The following ANKEF1 variants were observed in gnomAD, a reference collection of about 807,000 sequenced individuals.
The protein encoded by ANKEF1 is ankyrin repeat and EF-hand domain-containing protein 1.
ANKEF1 carries 43 observed loss-of-function variants against 65.1 expected under a neutral mutation model. The observed-to-expected ratio is 0.66, with a 90% CI of 0.52 to 0.85. ANKEF1 has a LOEUF of 0.85. Among genes scored for constraint, ANKEF1 ranks in the 40% least tolerant of loss-of-function variants. The pLI, the probability that ANKEF1 is intolerant of heterozygous loss-of-function variation, is 0.00. For missense variants in ANKEF1, 934 were observed against 952.9 expected, an observed-to-expected ratio of 0.98 and a Z score of 0.26; for synonymous variants, 316 against 341.5, an observed-to-expected ratio of 0.93 and a Z score of 0.82.
chr20:10,049,339 C>T lies in ANKEF1; in HGVS notation c.821-51C>T, dbSNP rs1984695029. On this transcript the variant is annotated intron_variant, in intron 6 of 10. Coordinates refer to ENST00000378392, the MANE Select transcript of ANKEF1 (RefSeq NM_022096.6). ...ACAGTTGGATGAGTGTCACTTATAG[C>T]CATGCAAATGCCTTGGCACCATTCA... 9 of 1,494,854 alleles carry T rather than the reference C, an allele frequency of 6.0e-6. No individual in the cohort carries two copies. In the Middle Eastern group the frequency reaches 8.9e-4, roughly 149 times the overall value. The allele number at this position is 1,494,854 out of a possible 1,614,324, so 92.6% of individuals were successfully genotyped here.
At position 10,038,345 on chromosome 20, in the gene ANKEF1, A is replaced by G. The variant is rs184742444; in HGVS notation, c.44A>G (p.Lys15Arg). ...DKRLENLQIY[K>R]VLQCVRNKDK... ...AGACTTGAGAACTTACAGATCTACA[A>G]AGTTCTTCAATGTGTGCGGAACAAA... The change falls in exon 3 of 11, where the codon AAA becomes AGA. Residue 15 changes from lysine (K) to arginine (R), a missense_variant. Transcript: ENST00000378392. 1.0e-4 allele frequency: 167 copies of G among 1,597,716 alleles called. No homozygotes were observed. Among genetic ancestry groups the G allele is most frequent in the East Asian group, 6.7e-5 (3 of 44,542 alleles).
intron 9 of ANKEF1, among the ~76,000 whole-genome samples, chr20:10,053,927 C>T (rs781303031): frequency 5.3e-5 from 8 of 152,158 alleles, no homozygotes; most frequent in Non-Finnish European, 1.2e-4. Context: ...TTATCATTAG[C>T]AGGAAACCCC....
At chr20:10,042,474 G>A (rs1216558687) in intron 3 of ANKEF1, among the ~76,000 whole-genome samples, 1 of 152,100 alleles carries the variant, frequency 6.6e-6, no homozygotes, top group East Asian at 1.9e-4. Context: ...TCTGCCCTGG[G>A]TTTATAACAG....
chr20:10,037,136 G>A (rs2122216553), intron 2 of ANKEF1, among the ~76,000 whole-genome samples: 1 of 152,210 alleles, frequency 6.6e-6, no homozygotes, highest in East Asian at 1.9e-4. Context: ...GTAGTAAGAT[G>A]GAATCTTTTC....
intron 10 of ANKEF1, among the ~76,000 whole-genome samples, chr20:10,055,027 G>T (rs1470257143): frequency 6.6e-6 from 1 of 152,126 alleles, no homozygotes; most frequent in Non-Finnish European, 1.5e-5. Flanking sequence ...CACAACTAAA[G>T]AGGTGGAGAC....
At chr20:10,042,047 G>A (rs1396551011) in intron 3 of ANKEF1, among the ~76,000 whole-genome samples, 1 of 152,074 alleles carries the variant, frequency 6.6e-6, no homozygotes. Context: ...CCCCTTCATG[G>A]ATTAGTTGAA....
In ANKEF1 at chr20:10,038,650, A is replaced by G. The variant is rs1288957714; in HGVS notation, c.346+3A>G. The G allele has an allele frequency of 1.9e-6, 3 of 1,577,914 alleles. No individual in the cohort carries two copies. The highest frequency in any genetic ancestry group is 1.7e-5 in the Admixed American group (1 of 57,968). ...TATAGTTGATAATGAAGGAAAAGGT[A>G]AAAATCCCGACATCCTCTCCAGCAG... On this transcript the variant is annotated splice_donor_region_variant and intron_variant, in intron 3 of 10. Transcript: ENST00000378392.
intron 2 of ANKEF1, 141 bp downstream of exon 2, chr20:10,035,783 G>C (rs1983805029): frequency 6.6e-6 from 1 of 150,566 alleles, no homozygotes; most frequent in African/African-American, 2.5e-5. Flanking sequence ...TCTTTCTAAT[G>C]ATCCTTCCTT....
In ANKEF1 at chr20:10,040,606, T is replaced by C. The variant is rs150296273; in HGVS notation, c.346+1959T>C. ...CCTTATAGCACCCATTCCCATTCCA[T>C]TGGTTTTTGCATTTACAGGCATGTG... On this transcript the variant is annotated intron_variant, in intron 3 of 10. Coordinates refer to ENST00000378392, the MANE Select transcript of ANKEF1 (RefSeq NM_022096.6). 4.6e-5 allele frequency: 7 copies of C among 152,326 alleles called. No homozygotes were observed. In the East Asian group the frequency reaches 1.2e-3, roughly 25 times the overall value. 9.4% of individuals were successfully genotyped at this position (152,326 alleles called of 1,614,324 possible). A position where few individuals can be genotyped will look rare whatever the true frequency, so the allele number is the denominator to read the frequency against.
At chr20:10,053,041 A>C (rs572173240) in intron 8 of ANKEF1, 71 bp from the exon 9 acceptor site, 1 of 1,464,852 alleles carries the variant, frequency 6.8e-7, no homozygotes, top group African/African-American at 1.4e-5. Flanking sequence ...TGATGTGCTG[A>C]GATATTTTTC....
chr20:10,052,236 A>G (rs1984904551), intron 8 of ANKEF1, among the ~76,000 whole-genome samples: 1 of 152,220 alleles, frequency 6.6e-6, no homozygotes, highest in Non-Finnish European at 1.5e-5. Context: ...AGTTGCTAAA[A>G]ACATTTATAA....
Position 10,044,556 on chromosome 20 carries a change from T to G in ANKEF1, c.696+13T>G. 6.2e-7 allele frequency: 1 copy of G among 1,611,322 alleles called. No homozygotes were observed. Among genetic ancestry groups the G allele is most frequent in the Non-Finnish European group, 8.5e-7 (1 of 1,178,918 alleles). ...AGGCTTTTTCGATGTAATAATCTAT[T>G]CTTTGCTTTAAAATTTGTTGCTAAA... On this transcript the variant is annotated intron_variant, in intron 5 of 10. Coordinates refer to ENST00000378392, the MANE Select transcript of ANKEF1 (RefSeq NM_022096.6).
chr20:10,052,048 A>G (rs957211373), intron 8 of ANKEF1, among the ~76,000 whole-genome samples, 159 bp downstream of exon 8: 2 of 152,184 alleles, frequency 1.3e-5, no homozygotes, highest in Non-Finnish European at 2.9e-5. Context: ...ATCTTATACC[A>G]AGTGCTTCTC....
chr20:10,045,548 C>T (rs1984468256), intron 5 of ANKEF1, 26 bp from the exon 6 acceptor site: 2 of 1,610,290 alleles, frequency 1.2e-6, no homozygotes, highest in African/African-American at 1.3e-5. Context: ...CCTATTCCTC[C>T]ACAATATCCA....
intron 2 of ANKEF1, among the ~76,000 whole-genome samples, chr20:10,036,685 T>G: frequency 6.6e-6 from 1 of 152,040 alleles, no homozygotes; most frequent in Admixed American, 6.6e-5. Flanking sequence ...TTACTAAAAA[T>G]ACAAAAATTA....
At position 10,056,462 on chromosome 20, in the gene ANKEF1, T is replaced by TA. The variant is rs1568519846; in HGVS notation, c.*802_*803insA. On this transcript the variant is annotated 3_prime_UTR_variant, in exon 11 of 11. Transcript: ENST00000378392. ...AAAGGCAGATAGACAGATATATAGATGATAGATAGATAGATGATAGATAGA... is the reference window on the plus strand; with the variant it reads ...AAAGGCAGATAGACAGATATATAGATAGATAGATAGATAGATGATAGATAGA... 2.0e-5 allele frequency: 3 copies of TA among 148,804 alleles called. No individual in the cohort carries two copies. The highest frequency in any genetic ancestry group is 2.2e-4 in the South Asian group (1 of 4,632). The allele number at this position is 148,804 out of a possible 1,614,324, so 9.2% of individuals were successfully genotyped here.
At chr20:10,047,281 C>T (rs1022488913) in intron 6 of ANKEF1, among the ~76,000 whole-genome samples, 2 of 152,190 alleles carry the variant, frequency 1.3e-5, no homozygotes, top group Middle Eastern at 3.2e-3. Flanking sequence ...AATCATGAGA[C>T]TATTTTAAAG....
chr20:10,045,714 A>G lies in ANKEF1; in HGVS notation c.820+17A>G, dbSNP rs752123688. On this transcript the variant is annotated intron_variant, in intron 6 of 10. Transcript: ENST00000378392. ...CTCAGCGAGGTAAAATTGTCTAGCA[A>G]TTTTGTGCTTCAAGTACTTATGATT... is the stretch of plus-strand genomic sequence containing the variant. The G allele has an allele frequency of 1.2e-6, 2 of 1,612,962 alleles. No homozygotes were observed. Among genetic ancestry groups the G allele is most frequent in the East Asian group, 2.2e-5 (1 of 44,836 alleles).
Position 10,055,602 on chromosome 20 carries a change from C to G in ANKEF1, c.2273C>G (p.Pro758Arg). The G allele has an allele frequency of 6.2e-7, 1 of 1,613,770 alleles. No individual in the cohort carries two copies. Among genetic ancestry groups the G allele is most frequent in the Non-Finnish European group, 8.5e-7 (1 of 1,179,826 alleles). ...HEVDFDDFMM[P>R]FQKNITEKAR... ...GTGGACTTCGACGATTTTATGATGC[C>G]TTTTCAGAAGAACATCACAGAGAAA... The change falls in exon 11 of 11, where the codon CCT (proline) becomes CGT (arginine). Residue 758 changes from proline (P) to arginine (R), a missense_variant. Physicochemically the swap from Pro to Arg is moderately radical, Grantham distance 103. Coordinates refer to ENST00000378392, the MANE Select transcript of ANKEF1 (RefSeq NM_022096.6).
Sources: gnomAD v4.1 joint callset for allele counts (sites outside exome capture counted in the v4.1 genomes callset) on GRCh38, gnomAD v4.1.1 for gene constraint, MANE v1.5 for transcripts, NCBI Gene and HGNC (gene_info 2026-07-23, HGNC 2026-07-21) for gene names.